IL1RAPL2: variants seen among roughly 807,000 people sequenced by gnomAD.
IL1RAPL2 encodes interleukin 1 receptor accessory protein like 2, also known as X-linked interleukin-1 receptor accessory protein-like 2.
Under a neutral mutation model 44.1 loss-of-function variants are expected in IL1RAPL2, and 3 were observed. That is an observed-to-expected ratio of 0.07 (90% CI 0.03 to 0.18). IL1RAPL2 has a LOEUF of 0.18. Ranked by LOEUF, IL1RAPL2 falls within the 10% of genes least tolerant of loss-of-function variation. The probability of loss-of-function intolerance (pLI) is 1.00; values close to 1 mark genes in which losing one functional copy is unlikely to be tolerated. For synonymous variants in IL1RAPL2, 181 were observed against 178.8 expected (o/e 1.01, Z -0.10); for missense variants, 391 against 496.4 (o/e 0.79, Z 2.02).
At position 105,139,678 on chromosome X, in the gene IL1RAPL2, G is replaced by A. The variant is rs777284082; in HGVS notation, c.83-55797G>A. On this transcript the variant is annotated intron_variant, in intron 2 of 10. Transcript: ENST00000372582. ...TAGCGCTCATGTCTCTTTTCATAAG[G>A]GCACTAATCCCATTCATGAGGGCTC... Among the ~76,000 whole-genome samples, 15 of 111,184 alleles carry A rather than the reference G, an allele frequency of 1.3e-4. No individual in the cohort carries two copies. The East Asian group carries it at 4.3e-3, about 32-fold the overall frequency.
At chrX:104,861,445 C>T (rs1055912295) in intron 2 of IL1RAPL2, among the ~76,000 whole-genome samples, 1 of 111,325 alleles carries the variant, frequency 9.0e-6, no homozygotes, top group East Asian at 2.8e-4. Context: ...CTATCCTCAA[C>T]TTATGAGGGT....
chrX:104,613,930 G>T (rs1929219233), intron 1 of IL1RAPL2, among the ~76,000 whole-genome samples: 1 of 107,472 alleles, frequency 9.3e-6, no homozygotes, highest in East Asian at 2.9e-4. Context: ...GAGAGTGTGT[G>T]TTTCCAGGAA....
intron 10 of IL1RAPL2, chrX:105,765,281 G>A (rs2038720480): frequency 8.9e-6 from 1 of 111,889 alleles, no homozygotes; most frequent in Non-Finnish European, 1.9e-5. Flanking sequence ...TTGATACATT[G>A]GGAAAATATT....
intron 1 of IL1RAPL2, among the ~76,000 whole-genome samples, chrX:104,618,800 G>A (rs762716168): frequency 9.0e-6 from 1 of 111,489 alleles, no homozygotes; most frequent in Admixed American, 9.5e-5. Flanking sequence ...GACATGGAGT[G>A]CAGGGGGCCT....
intron 2 of IL1RAPL2, among the ~76,000 whole-genome samples, chrX:105,168,384 A>G (rs2033389380): frequency 9.6e-6 from 1 of 103,977 alleles, no homozygotes; most frequent in South Asian, 4.6e-4. Context: ...TGTATTAGCC[A>G]GTGTTCTCCA....
In IL1RAPL2 at chrX:105,284,279, T is replaced by C. The variant is rs768025772; in HGVS notation, c.697+16738T>C. On this transcript the variant is annotated intron_variant, in intron 5 of 10. Transcript: ENST00000372582. The stretch of plus-strand genomic sequence containing the variant: ...TTTTCCCCATTCCATTTCCACACAT[T>C]AGGAAAAGTGACTCTACATTTCCTT... 3.6e-5 allele frequency among the ~76,000 whole-genome samples: 4 copies of C among 112,290 alleles called. No individual in the cohort carries two copies. In the South Asian group the frequency reaches 1.5e-3, roughly 41 times the overall value.
chrX:105,556,823 AT>A (rs960458078), intron 6 of IL1RAPL2, among the ~76,000 whole-genome samples: 9 of 111,828 alleles, frequency 8.0e-5, no homozygotes, highest in African/African-American at 2.9e-4. Flanking sequence ...GATATCAAAA[AT>A]ATGTTTGAAA....
At chrX:104,751,645 A>G (rs1932260789) in intron 2 of IL1RAPL2, among the ~76,000 whole-genome samples, 1 of 111,709 alleles carries the variant, frequency 9.0e-6, no homozygotes, top group Non-Finnish European at 1.9e-5. Flanking sequence ...TAGATGGATC[A>G]GGGAAAACCA....
chrX:105,703,975 T>G (rs2038141715), intron 6 of IL1RAPL2, among the ~76,000 whole-genome samples: 1 of 112,114 alleles, frequency 8.9e-6, no homozygotes, highest in Non-Finnish European at 1.9e-5. Context: ...CGAGGTCTCT[T>G]GGAAGCTAGT....
intron 2 of IL1RAPL2, among the ~76,000 whole-genome samples, chrX:104,724,744 G>A (rs1931755339): frequency 1.8e-5 from 2 of 111,302 alleles, no homozygotes; most frequent in East Asian, 2.9e-4. Context: ...TGTTCATATG[G>A]CAATGCAATT....
intron 1 of IL1RAPL2, among the ~76,000 whole-genome samples, chrX:104,582,868 C>T (rs866766601): frequency 6.8e-4 from 42 of 61,706 alleles, no homozygotes; most frequent in African/African-American, 2.0e-3. Flanking sequence ...TTCTTTCTTT[C>T]TTTTTCTTTT....
intron 4 of IL1RAPL2, among the ~76,000 whole-genome samples, chrX:105,260,783 G>T (rs969336033): frequency 3.6e-5 from 4 of 112,630 alleles, no homozygotes; most frequent in Non-Finnish European, 7.5e-5. Flanking sequence ...GGCTGGAATG[G>T]CTAAGTCACC....
At chrX:104,583,847 G>A (rs751313463) in intron 1 of IL1RAPL2, among the ~76,000 whole-genome samples, 30 of 111,804 alleles carry the variant, frequency 2.7e-4, no homozygotes, top group Non-Finnish European at 4.9e-4. Flanking sequence ...TAGACAATAG[G>A]TATAGGCAGA....
chrX:104,725,343 T>A (rs1044535242), intron 2 of IL1RAPL2, among the ~76,000 whole-genome samples: 4 of 111,973 alleles, frequency 3.6e-5, no homozygotes, highest in Non-Finnish European at 1.9e-5. Context: ...ACAATAACCA[T>A]ACGTGTACAT....
intron 6 of IL1RAPL2, among the ~76,000 whole-genome samples, chrX:105,512,271 C>T (rs1289817192): frequency 9.0e-6 from 1 of 111,724 alleles, no homozygotes; most frequent in East Asian, 2.8e-4. Flanking sequence ...AGAACTAGCT[C>T]TAGAATCTAT....
intron 6 of IL1RAPL2, among the ~76,000 whole-genome samples, chrX:105,552,105 CA>C (rs34788343): frequency 0.05 from 3,357 of 67,234 alleles, 44 homozygotes; most frequent in East Asian, 0.087. Context: ...GACTCCATTT[CA>C]AAAAAAAAAA....
chrX:105,177,182 C>T (rs2033482756), intron 2 of IL1RAPL2, among the ~76,000 whole-genome samples: 1 of 110,505 alleles, frequency 9.0e-6, no homozygotes, highest in Non-Finnish European at 1.9e-5. Context: ...TGCCTGAGCT[C>T]TGCCTCCTGT....
chrX:105,694,095 A>C (rs1408215778), intron 6 of IL1RAPL2, among the ~76,000 whole-genome samples: 1 of 112,148 alleles, frequency 8.9e-6, no homozygotes, highest in Non-Finnish European at 1.9e-5. Flanking sequence ...AAGAGATTAA[A>C]TAAAAGCAGA....
At chrX:105,755,641 T>C (rs1363985684) in intron 10 of IL1RAPL2, among the ~76,000 whole-genome samples, 2 of 111,997 alleles carry the variant, frequency 1.8e-5, no homozygotes, top group Admixed American at 9.5e-5. Flanking sequence ...CTGTAAAAGT[T>C]AGTTAAAGCC....
Sources: allele counts gnomAD v4.1 joint callset (sites outside exome capture counted in the v4.1 genomes callset), GRCh38; gene constraint gnomAD v4.1.1; transcripts MANE v1.5; gene names NCBI Gene and HGNC (gene_info 2026-07-23, HGNC 2026-07-21).